Variants in STXBP5L observed in about 807,000 individuals in gnomAD.
STXBP5L encodes syntaxin-binding protein 5-like.
Under a neutral mutation model 144.5 loss-of-function variants are expected in STXBP5L, and 65 were observed. The observed-to-expected ratio is 0.45, with a 90% CI of 0.37 to 0.55. STXBP5L has a LOEUF of 0.55. Ranked by LOEUF, STXBP5L falls within the 20% of genes least tolerant of loss-of-function variation. The probability of loss-of-function intolerance (pLI) is 0.00; values close to 1 mark genes in which losing one functional copy is unlikely to be tolerated. For missense variants in STXBP5L, 1,298 were observed against 1,405.5 expected, an observed-to-expected ratio of 0.92 and a Z score of 1.22; for synonymous variants, 505 against 469.6, an observed-to-expected ratio of 1.08 and a Z score of -0.97.
chr3:120,950,061 T>C (rs953658285), intron 2 of STXBP5L, among the ~76,000 whole-genome samples: 1 of 152,056 alleles, frequency 6.6e-6, no homozygotes, highest in African/African-American at 2.4e-5. Flanking sequence ...ATAATTTTTG[T>C]CAATTAAAAA....
chr3:120,982,723 T>A (rs1229126920), intron 3 of STXBP5L, among the ~76,000 whole-genome samples: 1 of 152,178 alleles, frequency 6.6e-6, no homozygotes, highest in African/African-American at 2.4e-5. Flanking sequence ...CATGTGCAAG[T>A]GCATGCCAGC....
At chr3:121,188,441 G>A (rs1431302039) in intron 9 of STXBP5L, among the ~76,000 whole-genome samples, 2 of 150,690 alleles carry the variant, frequency 1.3e-5, no homozygotes, top group African/African-American at 2.4e-5. Context: ...TGACTACTGA[G>A]TAATTAACGA....
chr3:121,371,437 C>A (rs1157134499), intron 20 of STXBP5L, among the ~76,000 whole-genome samples: 1 of 152,206 alleles, frequency 6.6e-6, no homozygotes, highest in African/African-American at 2.4e-5. Flanking sequence ...ATGGGTAATG[C>A]CAACCATGGA....
rs1937854653 is a variant in STXBP5L at position 120,954,931 on chromosome 3, CT to C, written c.190-8del. On this transcript the variant is annotated splice_region_variant and splice_polypyrimidine_tract_variant and intron_variant, in intron 2 of 26. Coordinates refer to ENST00000471454, the MANE Select transcript of STXBP5L (RefSeq NM_001308330.2). Reference sequence around the variant, plus strand: ...TAGAGACTTATTGGTATTATTTGCTCTCTTTCAGACAGTTCGGCATGGTTTT... The same window carrying C: ...TAGAGACTTATTGGTATTATTTGCTCCTTTCAGACAGTTCGGCATGGTTTT... 3 of 1,602,188 alleles carry C rather than the reference CT, an allele frequency of 1.9e-6. No homozygotes were observed. Among genetic ancestry groups the C allele is most frequent in the Admixed American group, 1.7e-5 (1 of 58,790 alleles).
At chr3:121,168,041 G>T (rs1012777260) in intron 9 of STXBP5L, among the ~76,000 whole-genome samples, 5 of 151,998 alleles carry the variant, frequency 3.3e-5, no homozygotes, top group African/African-American at 1.2e-4. Context: ...AGGCAAACAG[G>T]GTCTGGAGTG....
At chr3:121,362,948 G>T (rs1044318590) in intron 20 of STXBP5L, among the ~76,000 whole-genome samples, 2 of 152,076 alleles carry the variant, frequency 1.3e-5, no homozygotes, top group Non-Finnish European at 2.9e-5. Context: ...CAGTTAGGAG[G>T]TGATCAATGC....
chr3:121,319,612 T>C (rs948034237), intron 20 of STXBP5L, among the ~76,000 whole-genome samples: 1 of 152,192 alleles, frequency 6.6e-6, no homozygotes, highest in Non-Finnish European at 1.5e-5. Flanking sequence ...CCAATTTAGG[T>C]ATTTATTGCC....
intron 20 of STXBP5L, among the ~76,000 whole-genome samples, chr3:121,377,111 G>C (rs750816023): frequency 3.3e-5 from 5 of 152,140 alleles, no homozygotes; most frequent in African/African-American, 4.8e-5. Context: ...TTGCTTATCA[G>C]CTGAAGGAGA....
chr3:121,369,619 T>A (rs2045969261), intron 20 of STXBP5L, among the ~76,000 whole-genome samples: 1 of 152,102 alleles, frequency 6.6e-6, no homozygotes, highest in South Asian at 2.1e-4. Flanking sequence ...AGTCACTTCC[T>A]CCAGTCCTTA....
At chr3:121,263,148 T>C (rs2108397055) in intron 18 of STXBP5L, among the ~76,000 whole-genome samples, 1 of 152,338 alleles carries the variant, frequency 6.6e-6, no homozygotes, top group East Asian at 1.9e-4. Context: ...GTTGTTCTGC[T>C]GCCTCCACTA....
intron 19 of STXBP5L, among the ~76,000 whole-genome samples, chr3:121,305,444 AAAAG>A (rs1330822413): frequency 6.6e-6 from 1 of 152,148 alleles, no homozygotes; most frequent in Non-Finnish European, 1.5e-5. Context: ...ACAAACATAT[AAAAG>A]AAAGATAAAG....
At chr3:121,115,656 G>T (rs76301322) in intron 6 of STXBP5L, among the ~76,000 whole-genome samples, 211 of 152,186 alleles carry the variant, frequency 1.4e-3, no homozygotes, top group African/African-American at 4.6e-3. Flanking sequence ...TGCTATAAAG[G>T]AATCCCTGAG....
At chr3:120,916,592 C>T (rs1048775776) in intron 2 of STXBP5L, among the ~76,000 whole-genome samples, 5 of 152,150 alleles carry the variant, frequency 3.3e-5, no homozygotes, top group African/African-American at 1.2e-4. Flanking sequence ...TGAGCCACCG[C>T]ACCTGGCAAG....
intron 20 of STXBP5L, among the ~76,000 whole-genome samples, chr3:121,336,487 C>T (rs1004989236): frequency 2.6e-5 from 4 of 151,888 alleles, no homozygotes; most frequent in Admixed American, 6.6e-5. Context: ...TCAGCAAGAC[C>T]CTGTCTCAAA....
At chr3:121,246,097 C>A (rs940325870) in intron 14 of STXBP5L, among the ~76,000 whole-genome samples, 6 of 152,142 alleles carry the variant, frequency 3.9e-5, no homozygotes, top group Admixed American at 3.9e-4. Flanking sequence ...AGGAACTAGG[C>A]CACACAGCAG....
intron 6 of STXBP5L, 32 bp from the exon 7 acceptor site, chr3:121,121,609 T>C: frequency 6.5e-7 from 1 of 1,538,396 alleles, no homozygotes; most frequent in Non-Finnish European, 8.9e-7. Context: ...TAATGTTTGG[T>C]TTTTAATTAC....
intron 5 of STXBP5L, among the ~76,000 whole-genome samples, chr3:121,081,421 T>C (rs940064398): frequency 6.6e-5 from 10 of 152,210 alleles, no homozygotes; most frequent in African/African-American, 2.4e-4. Context: ...TAGTTTATTT[T>C]AGCTGAATTT....
intron 19 of STXBP5L, among the ~76,000 whole-genome samples, chr3:121,315,665 T>TA (rs940130167): frequency 1.1e-4 from 16 of 150,384 alleles, no homozygotes; most frequent in East Asian, 3.9e-4. Flanking sequence ...CTCATCAAAG[T>TA]AAAAAAAAAT....
At chr3:120,999,555 A>G (rs1483429137) in intron 3 of STXBP5L, among the ~76,000 whole-genome samples, 1 of 151,432 alleles carries the variant, frequency 6.6e-6, no homozygotes, top group African/African-American at 2.4e-5. Flanking sequence ...AAAATGAGTC[A>G]TTTAGCCCAT....
Sources: allele counts gnomAD v4.1 joint callset (sites outside exome capture counted in the v4.1 genomes callset), GRCh38; gene constraint gnomAD v4.1.1; transcripts MANE v1.5; gene names NCBI Gene and HGNC (gene_info 2026-07-23, HGNC 2026-07-21).